RNF40: variants seen among roughly 807,000 people sequenced by gnomAD.
RNF40 encodes the protein E3 ubiquitin-protein ligase BRE1B.
A neutral mutation model predicts 123.3 loss-of-function variants in RNF40; 39 were observed. The observed-to-expected ratio is 0.32, with a 90% CI of 0.24 to 0.41. The LOEUF (loss-of-function observed/expected upper bound fraction) is 0.41. RNF40 is among the 10% of genes least tolerant of loss of function. The probability of loss-of-function intolerance (pLI) is 1.00; values close to 1 mark genes in which losing one functional copy is unlikely to be tolerated. For missense variants in RNF40, 1,003 were observed against 1,319.9 expected, an observed-to-expected ratio of 0.76 and a Z score of 3.72; for synonymous variants, 538 against 526.0, an observed-to-expected ratio of 1.02 and a Z score of -0.31.
At chr16:30,762,763 CT>C in intron 2 of RNF40, 86 bp downstream of exon 2, 1 of 1,536,982 alleles carries the variant, frequency 6.5e-7, no homozygotes, top group South Asian at 1.2e-5. Context: ...CTTACACCCA[CT>C]TCCCCAAGTT....
intron 11 of RNF40, among the ~76,000 whole-genome samples, chr16:30,767,341 GA>G (rs2054052863): frequency 6.6e-6 from 1 of 152,190 alleles, no homozygotes; most frequent in Non-Finnish European, 1.5e-5. Flanking sequence ...AAGTAAAGCA[GA>G]AAAGGAAGAT....
chr16:30,762,281 G>C (rs1377565383), upstream of RNF40: 3 of 463,754 alleles, frequency 6.5e-6, no homozygotes, highest in East Asian at 3.7e-5. Context: ...CACCGTTGGG[G>C]GGGGGGCAGT....
chr16:30,772,981 A>C (rs1423037739), intron 19 of RNF40, among the ~76,000 whole-genome samples: 10 of 151,650 alleles, frequency 6.6e-5, no homozygotes, highest in Admixed American at 3.3e-4. Context: ...CACTTGGAGG[A>C]CTCCTGGTTT....
chr16:30,764,474 C>G (rs2053991255), intron 5 of RNF40, 89 bp downstream of exon 5: 1 of 1,152,156 alleles, frequency 8.7e-7, no homozygotes, highest in African/African-American at 1.5e-5. Flanking sequence ...TGCCCGAGTC[C>G]AAGGGCGGCC....
chr16:30,773,091 A>T (rs2054175340), intron 19 of RNF40, among the ~76,000 whole-genome samples: 1 of 152,164 alleles, frequency 6.6e-6, no homozygotes, highest in Non-Finnish European at 1.5e-5. Flanking sequence ...GATGCTGAGA[A>T]GGTGCCTGTG....
intron 8 of RNF40, among the ~76,000 whole-genome samples, 195 bp downstream of exon 8, chr16:30,765,694 G>GA (rs1038801511): frequency 6.6e-6 from 1 of 152,150 alleles, no homozygotes; most frequent in African/African-American, 2.4e-5. Context: ...GCATATTGGC[G>GA]AGAACAAAAT....
chr16:30,771,991 G>GTT lies in RNF40; in HGVS notation c.2727+18_2727+19insTT. The GTT allele has an allele frequency of 6.3e-7, 1 of 1,586,830 alleles. No homozygotes were observed. On this transcript the variant is annotated intron_variant, in intron 18 of 19. Coordinates refer to ENST00000324685, the MANE Select transcript of RNF40 (RefSeq NM_014771.4). Reference sequence around the variant, plus strand: ...GGGCTCAGGTGTGTGCAGGGGTGAGGGGCCAGGCCAGGGTGGTCCACGGTC... The same window carrying GTT: ...GGGCTCAGGTGTGTGCAGGGGTGAGGTTGGCCAGGCCAGGGTGGTCCACGGTC...
rs371341622 is a variant in RNF40, at chr16:30,765,167, C to T, written c.772-14C>T. ...AGTCCCCCATCCAAGCATCTGCTCC[C>T]TCATTGTTCCCAGTACTCCGAGCTC... On this transcript the variant is annotated splice_polypyrimidine_tract_variant and intron_variant, in intron 6 of 19. Transcript: ENST00000324685. 6.2e-6 allele frequency: 10 copies of T among 1,613,748 alleles called. No individual in the cohort carries two copies. The African/African-American group carries it at 9.3e-5, about 15-fold the overall frequency.
rs2054034631 is a variant in RNF40 at position 30,766,518 on chromosome 16, C to T, written c.1253C>T (p.Ala418Val). The T allele has an allele frequency of 1.2e-6, 2 of 1,612,744 alleles. No individual in the cohort carries two copies. Among genetic ancestry groups the T allele is most frequent in the Non-Finnish European group, 1.7e-6 (2 of 1,179,548 alleles). ...GACGAGGCTCGGGGCCTGCTGCTGGCCACAAAGAACTCCCACCTGCGACAC... is the reference window on the plus strand; with the variant it reads ...GACGAGGCTCGGGGCCTGCTGCTGGTCACAAAGAACTCCCACCTGCGACAC... Reference protein sequence around the residue: ...QLDEARGLLLATKNSHLRHIE... With the variant: ...QLDEARGLLLVTKNSHLRHIE... Residue 418 changes from alanine (A) to valine (V), a missense_variant, in exon 10 of 20, where the codon GCC (alanine) becomes GTC (valine). Coordinates refer to ENST00000324685, the MANE Select transcript of RNF40 (RefSeq NM_014771.4). This position sits in a 1 kb window ranked among gnomAD's most constrained non-coding sequence, Gnocchi z 5.4.
At chr16:30,764,832 C>T in intron 5 of RNF40, 106 bp from the exon 6 acceptor site, 1 of 1,466,348 alleles carries the variant, frequency 6.8e-7, no homozygotes. Flanking sequence ...GAGAAATGGG[C>T]AAGACAGCTG....
intron 17 of RNF40, among the ~76,000 whole-genome samples, chr16:30,770,486 T>C (rs1242912908): frequency 1.3e-5 from 2 of 152,090 alleles, no homozygotes; most frequent in Non-Finnish European, 2.9e-5. Context: ...CAAGAGGGAG[T>C]GGCCCTAATA....
rs369284201 is a variant in RNF40 at position 30,762,591 on chromosome 16, G to C, written c.46G>C (p.Gly16Arg). Reference protein sequence around the residue: ...NKRAAGDGGSGPPEKKLSREE... With the variant: ...NKRAAGDGGSRPPEKKLSREE... ...ACGCGCCGCCGGCGACGGGGGCTCA[G>C]GGCCCCCGGAAAAGAAGCTGAGTCG... The change falls in exon 2 of 20, where the codon GGG (glycine) becomes CGG (arginine). Residue 16 changes from glycine to arginine, a missense_variant. Physicochemically the swap from Gly to Arg is moderately radical, Grantham distance 125. Transcript: ENST00000324685. 5.6e-6 allele frequency: 9 copies of C among 1,606,746 alleles called. No homozygotes were observed. The highest frequency in any genetic ancestry group is 5.9e-6 in the Non-Finnish European group (7 of 1,178,752).
rs1357366522 is a variant in RNF40, at chr16:30,771,383, C to T, written c.2587-450C>T. On this transcript the variant is annotated intron_variant, in intron 17 of 19. Transcript: ENST00000324685. ...CTGTAATCCCAGCACTTTGGGAGGC[C>T]GAGGCGGGCAGATCATGAGGTCAGG... 3.9e-5 allele frequency among the ~76,000 whole-genome samples: 6 copies of T among 151,942 alleles called. No individual in the cohort carries two copies. The South Asian group carries it at 6.2e-4, about 16-fold the overall frequency.
In RNF40 at chr16:30,774,376, G is replaced by A. The variant is rs1284049928; in HGVS notation, c.*262G>A. The A allele has an allele frequency of 9.3e-6, 4 of 431,314 alleles. No homozygotes were observed. The highest frequency in any genetic ancestry group is 1.2e-5 in the Non-Finnish European group (3 of 240,076). 26.7% of individuals were successfully genotyped at this position (431,314 alleles called of 1,614,324 possible). ...AAGGTCTGCCTGAGAGGCCTGAGGA[G>A]CCCAGAGCACTTGACTGAGCTTCCC... On this transcript the variant is annotated 3_prime_UTR_variant, in exon 20 of 20. Transcript: ENST00000324685.
In RNF40 at chr16:30,768,048, C is replaced by T; in HGVS notation, c.1551+33C>T. The T allele has an allele frequency of 1.2e-6, 2 of 1,614,186 alleles. No homozygotes were observed. The highest frequency in any genetic ancestry group is 1.7e-6 in the Non-Finnish European group (2 of 1,180,018). ...GGGGCCTGCCTGGGAAAAGGTTTGG[C>T]TAGACTCCAGTGAACACCATCTGAC... is the stretch of plus-strand genomic sequence containing the variant. On this transcript the variant is annotated intron_variant, in intron 12 of 19. Transcript: ENST00000324685. The surrounding 1 kb of genome is among the most constrained non-coding windows in gnomAD (Gnocchi z 4.1).
rs1280140294 is a variant in RNF40 at position 30,774,325 on chromosome 16, A to G, written c.*211A>G. ...ATCTTTTCCTAAAGGTCAGAGCTGC[A>G]GCCTAGGGGGCACTGCCCTACAGAA... On this transcript the variant is annotated 3_prime_UTR_variant, in exon 20 of 20. Coordinates refer to ENST00000324685, the MANE Select transcript of RNF40 (RefSeq NM_014771.4). 1 of 551,946 alleles carries G rather than the reference A, an allele frequency of 1.8e-6. No homozygotes were observed. The highest frequency in any genetic ancestry group is 3.2e-6 in the Non-Finnish European group (1 of 315,614). The allele number at this position is 551,946 out of a possible 1,614,324, so 34.2% of individuals were successfully genotyped here. A position where few individuals can be genotyped will look rare whatever the true frequency, so the allele number is the denominator to read the frequency against.
At chr16:30,767,499 TAAAAAA>T (rs879532090) in intron 11 of RNF40, among the ~76,000 whole-genome samples, 1 of 137,556 alleles carries the variant, frequency 7.3e-6, no homozygotes, top group Non-Finnish European at 1.6e-5. Context: ...ATTGGATGTA[TAAAAAA>T]AAAAAAGAAA....
At chr16:30,762,396 CA>C in intron 1 of RNF40, 36 bp downstream of exon 1, 1 of 779,004 alleles carries the variant, frequency 1.3e-6, no homozygotes, top group Non-Finnish European at 1.9e-6. Context: ...CGGGATCCAG[CA>C]GGTGTGTGCA....
Position 30,775,839 on chromosome 16 carries a change from C to T in RNF40, c.*1725C>T, listed in dbSNP as rs1381775096. On this transcript the variant is annotated 3_prime_UTR_variant, in exon 20 of 20. Transcript: ENST00000324685. ...GTGGCGCCTTCGGACCCTATTGGCG[C>T]CCGGGACTTAAGCGGGGCCGCCGCT... is the stretch of plus-strand genomic sequence containing the variant. The T allele has an allele frequency of 1.3e-5, 2 of 152,288 alleles. No individual in the cohort carries two copies. The highest frequency in any genetic ancestry group is 1.5e-5 in the Non-Finnish European group (1 of 68,086). The allele number at this position is 152,288 out of a possible 1,614,324, so 9.4% of individuals were successfully genotyped here.
Sources: allele counts gnomAD v4.1 joint callset (sites outside exome capture counted in the v4.1 genomes callset), GRCh38; gene constraint gnomAD v4.1.1; non-coding constraint Gnocchi (gnomAD v3.1); transcripts MANE v1.5; gene names NCBI Gene and HGNC (gene_info 2026-07-23, HGNC 2026-07-21).